TMEM170B: variants seen among roughly 807,000 people sequenced by gnomAD.
TMEM170B encodes the protein transmembrane protein 170B.
TMEM170B carries 6 observed loss-of-function variants against 13.0 expected under a neutral mutation model. The observed-to-expected ratio is 0.46, with a 90% CI of 0.25 to 0.91. The LOEUF is 0.91. TMEM170B is among the 40% of genes least tolerant of loss of function. The pLI is 0.17. For missense variants in TMEM170B, 138 were observed against 165.2 expected (o/e 0.84, Z 0.90); for synonymous variants, 61 against 64.9 (o/e 0.94, Z 0.29).
At chr6:11,549,388 G>A (rs760172563) in intron 1 of TMEM170B, among the ~76,000 whole-genome samples, 6 of 152,192 alleles carry the variant, frequency 3.9e-5, no homozygotes, top group Non-Finnish European at 7.3e-5. Context: ...CTCAGGCCAG[G>A]CACGGTGGCT....
At chr6:11,574,735 G>A (rs1288542384) in intron 2 of TMEM170B, among the ~76,000 whole-genome samples, 1 of 152,058 alleles carries the variant, frequency 6.6e-6, no homozygotes, top group South Asian at 2.1e-4. Flanking sequence ...GAGCACTGAG[G>A]TTCCTCATAC....
In TMEM170B at chr6:11,567,810, C is replaced by T. The variant is rs144131503; in HGVS notation, c.268+1974C>T. Reference sequence around the variant, plus strand: ...CCAGATTCAGTAGGAAAGATAGAACCGAGCCAGATTCCAGAGGGCCTTGGA... The same window carrying T: ...CCAGATTCAGTAGGAAAGATAGAACTGAGCCAGATTCCAGAGGGCCTTGGA... On this transcript the variant is annotated intron_variant, in intron 2 of 2. Transcript: ENST00000379426. Among the ~76,000 whole-genome samples, 16 of 152,206 alleles carry T rather than the reference C, an allele frequency of 1.1e-4. No individual in the cohort carries two copies. In the East Asian group the frequency reaches 2.9e-3, roughly 28 times the overall value.
intron 1 of TMEM170B, among the ~76,000 whole-genome samples, chr6:11,561,913 G>A (rs965708199): frequency 3.3e-5 from 5 of 152,032 alleles, no homozygotes; most frequent in African/African-American, 1.2e-4. Flanking sequence ...TAGATTTATT[G>A]TTGAGATCAT....
chr6:11,549,208 A>G (rs1391035659), intron 1 of TMEM170B, among the ~76,000 whole-genome samples: 1 of 152,214 alleles, frequency 6.6e-6, no homozygotes, highest in Non-Finnish European at 1.5e-5. Context: ...CAGACCCTAT[A>G]TAAAGCATTT....
At chr6:11,548,164 G>T (rs1051186082) in intron 1 of TMEM170B, among the ~76,000 whole-genome samples, 1 of 152,092 alleles carries the variant, frequency 6.6e-6, no homozygotes, top group South Asian at 2.1e-4. Context: ...GAATGGGAGA[G>T]AATTTTTGCA....
At chr6:11,547,935 A>G (rs1759462369) in intron 1 of TMEM170B, among the ~76,000 whole-genome samples, 1 of 152,186 alleles carries the variant, frequency 6.6e-6, no homozygotes, top group Admixed American at 6.5e-5. Context: ...TAAGAAAGTA[A>G]GATAGTTCAT....
chr6:11,556,303 T>A (rs1436954202), intron 1 of TMEM170B, among the ~76,000 whole-genome samples: 1 of 152,216 alleles, frequency 6.6e-6, no homozygotes, highest in Non-Finnish European at 1.5e-5. Context: ...TGTGGTTACC[T>A]TCAGTGCACT....
intron 1 of TMEM170B, 40 bp downstream of exon 1, chr6:11,538,414 G>A (rs773262498): frequency 2.9e-6 from 4 of 1,401,824 alleles, no homozygotes; most frequent in South Asian, 2.7e-5. Context: ...GATGCGGTCC[G>A]CCCCTCTCCT....
intron 2 of TMEM170B, among the ~76,000 whole-genome samples, chr6:11,567,924 C>T (rs192259514): frequency 1.3e-5 from 2 of 152,170 alleles, no homozygotes; most frequent in Non-Finnish European, 2.9e-5. Flanking sequence ...ACAAGCAGTT[C>T]AGTGGGAAAT....
In TMEM170B at chr6:11,583,402, C is replaced by T. The variant is rs1759983733; in HGVS notation, c.*7841C>T. The T allele has an allele frequency of 6.6e-6, 1 of 152,134 alleles. No individual in the cohort carries two copies. Among genetic ancestry groups the T allele is most frequent in the African/African-American group, 2.4e-5 (1 of 41,416 alleles). 9.4% of individuals were successfully genotyped at this position (152,134 alleles called of 1,614,324 possible). ...GACAACTGTTAAAAAGTGAATCCAGCACTTAAATGTCATTACACAGAATTT... is the reference window on the plus strand; with the variant it reads ...GACAACTGTTAAAAAGTGAATCCAGTACTTAAATGTCATTACACAGAATTT... On this transcript the variant is annotated 3_prime_UTR_variant, in exon 3 of 3. Coordinates refer to ENST00000379426, the MANE Select transcript of TMEM170B (RefSeq NM_001100829.3).
At chr6:11,553,060 C>G (rs892706698) in intron 1 of TMEM170B, among the ~76,000 whole-genome samples, 1 of 152,058 alleles carries the variant, frequency 6.6e-6, no homozygotes, top group African/African-American at 2.4e-5. Flanking sequence ...ATCTTAGTTT[C>G]GGTCTTAGTT....
chr6:11,562,889 A>G (rs1759687870), intron 1 of TMEM170B, among the ~76,000 whole-genome samples: 1 of 152,220 alleles, frequency 6.6e-6, no homozygotes, highest in African/African-American at 2.4e-5. Context: ...TTGCTTTTTA[A>G]TAACCATACC....
At chr6:11,561,723 AAG>A (rs1216662497) in intron 1 of TMEM170B, among the ~76,000 whole-genome samples, 1 of 150,808 alleles carries the variant, frequency 6.6e-6, no homozygotes, top group African/African-American at 2.5e-5. Context: ...AAAAGAGAGA[AAG>A]AAATATAAAA....
chr6:11,548,058 A>C (rs979438869), intron 1 of TMEM170B, among the ~76,000 whole-genome samples: 2 of 152,176 alleles, frequency 1.3e-5, no homozygotes, highest in Admixed American at 1.3e-4. Context: ...GGAAATTGGC[A>C]ACAAAAGCCA....
chr6:11,556,665 TC>T (rs1381098114), intron 1 of TMEM170B, among the ~76,000 whole-genome samples: 3 of 152,154 alleles, frequency 2.0e-5, no homozygotes, highest in African/African-American at 7.2e-5. Context: ...TTCTCGTCCT[TC>T]CATCGGCAGT....
In TMEM170B at chr6:11,565,491, C is replaced by T. The variant is rs933546513; in HGVS notation, c.98-175C>T. ...GAATTATTTCCCCATCAGGCATCAGCGATGATGATAAAACTTATAATGTAT... is the reference window on the plus strand; with the variant it reads ...GAATTATTTCCCCATCAGGCATCAGTGATGATGATAAAACTTATAATGTAT... On this transcript the variant is annotated intron_variant, in intron 1 of 2. Transcript: ENST00000379426. Among the ~76,000 whole-genome samples, 8 of 152,298 alleles carry T rather than the reference C, an allele frequency of 5.3e-5. No homozygotes were observed. In the East Asian group the frequency reaches 9.6e-4, roughly 18 times the overall value.
Position 11,551,652 on chromosome 6 carries a change from A to G in TMEM170B, c.97+13278A>G, listed in dbSNP as rs577423661. ...TCTCTGTGGTAAACACTGATGAACAAAAGTGAAAATGTCAGTCATTATCCA... is the reference window on the plus strand; with the variant it reads ...TCTCTGTGGTAAACACTGATGAACAGAAGTGAAAATGTCAGTCATTATCCA... On this transcript the variant is annotated intron_variant, in intron 1 of 2. Transcript: ENST00000379426. Among the ~76,000 whole-genome samples the G allele has an allele frequency of 3.3e-5, 5 of 152,358 alleles. No individual in the cohort carries two copies. The East Asian group carries it at 7.7e-4, about 23-fold the overall frequency.
intron 1 of TMEM170B, among the ~76,000 whole-genome samples, chr6:11,558,897 G>A (rs1011854850): frequency 4.6e-5 from 7 of 152,116 alleles, no homozygotes; most frequent in Admixed American, 3.9e-4. Flanking sequence ...TGGGGGATGG[G>A]ACAGCCAAGC....
chr6:11,554,413 A>G (rs1445119851), intron 1 of TMEM170B, among the ~76,000 whole-genome samples: 3 of 151,910 alleles, frequency 2.0e-5, no homozygotes, highest in African/African-American at 7.2e-5. Context: ...TACACTTTTT[A>G]TCTGAGTAAA....
Sources: allele counts gnomAD v4.1 joint callset (sites outside exome capture counted in the v4.1 genomes callset), GRCh38; gene constraint gnomAD v4.1.1; transcripts MANE v1.5; gene names NCBI Gene and HGNC (gene_info 2026-07-23, HGNC 2026-07-21).